The following SAMD12 variants were observed in gnomAD, a reference collection of about 807,000 sequenced individuals.
SAMD12 encodes the protein sterile alpha motif domain containing 12.
In SAMD12, 9 loss-of-function variants were observed where a neutral mutation model predicts 15.0. That is an observed-to-expected ratio of 0.60 (90% CI 0.36 to 1.05). The LOEUF (loss-of-function observed/expected upper bound fraction) is 1.05. Among genes scored for constraint, SAMD12 ranks in the 50% least tolerant of loss-of-function variants. SAMD12 has a pLI of 0.01. For missense variants in SAMD12, 230 were observed against 234.2 expected, an observed-to-expected ratio of 0.98 and a Z score of 0.12; for synonymous variants, 86 against 90.1, an observed-to-expected ratio of 0.96 and a Z score of 0.25.
At chr8:118,321,948 C>T (rs1466501524) in intron 4 of SAMD12, among the ~76,000 whole-genome samples, 1 of 152,142 alleles carries the variant, frequency 6.6e-6, no homozygotes, top group African/African-American at 2.4e-5. Context: ...CACAGAATGC[C>T]TTCAGTTCCT....
chr8:118,196,125 C>G (rs540586080), exon 5 of SAMD12: 1 of 152,152 alleles, frequency 6.6e-6, no homozygotes, highest in African/African-American at 2.4e-5. Flanking sequence ...CCTCCCTTTC[C>G]GTCAGGTTTC....
chr8:118,312,644 C>T (rs889801845), intron 4 of SAMD12, among the ~76,000 whole-genome samples: 6 of 152,200 alleles, frequency 3.9e-5, no homozygotes, highest in Admixed American at 6.5e-5. Context: ...TATTAAACCA[C>T]TTGTAGAGTG....
exon 5 of SAMD12, chr8:118,191,758 A>ACTC (rs1563686316): frequency 1.5e-4 from 1 of 6,452 alleles, no homozygotes; most frequent in African/African-American, 5.5e-4. Flanking sequence ...ACTGGAGATT[A>ACTC]TATATATATA....
intron 3 of SAMD12, among the ~76,000 whole-genome samples, chr8:118,398,189 C>G (rs1292911317): frequency 6.6e-6 from 1 of 152,092 alleles, no homozygotes; most frequent in African/African-American, 2.4e-5. Context: ...TTGAGGTCAG[C>G]ACTTCAAGAT....
At chr8:118,228,001 C>T (rs1157139756) in intron 4 of SAMD12, among the ~76,000 whole-genome samples, 1 of 152,176 alleles carries the variant, frequency 6.6e-6, no homozygotes, top group African/African-American at 2.4e-5. Flanking sequence ...GGCAACTGAT[C>T]TTTGACAAAG....
chr8:118,405,407 C>G (rs1430174402), intron 3 of SAMD12, among the ~76,000 whole-genome samples: 2 of 137,658 alleles, frequency 1.5e-5, no homozygotes, highest in Non-Finnish European at 3.3e-5. Flanking sequence ...ACCGATAAAT[C>G]TGAAGACGAA....
chr8:118,382,305 G>A (rs1029939238), intron 3 of SAMD12, among the ~76,000 whole-genome samples: 7 of 152,170 alleles, frequency 4.6e-5, no homozygotes, highest in African/African-American at 1.7e-4. Context: ...GCACTGATAA[G>A]ACACATGGCT....
intron 4 of SAMD12, among the ~76,000 whole-genome samples, chr8:118,218,335 T>TA (rs1277029455): frequency 1.3e-5 from 2 of 152,188 alleles, no homozygotes; most frequent in Non-Finnish European, 2.9e-5. Flanking sequence ...GTGAGATGAG[T>TA]AAATCAAGCT....
At chr8:118,454,472 C>T (rs1823181369) in intron 2 of SAMD12, among the ~76,000 whole-genome samples, 1 of 152,158 alleles carries the variant, frequency 6.6e-6, no homozygotes, top group South Asian at 2.1e-4. Context: ...TCCCTTTCAA[C>T]TTAAAGATCA....
rs535157852 is a variant in SAMD12, at chr8:118,344,247, A to G, written c.433+35313T>C. ...ACTAATGTGGGAAGGTTGACAGTAC[A>G]ATGCTGGGACCTTGTCCACTAGGAA... On this transcript the variant is annotated intron_variant, in intron 4 of 4. Transcript: ENST00000409003. Among the ~76,000 whole-genome samples, 21 of 152,290 alleles carry G rather than the reference A, an allele frequency of 1.4e-4. No homozygotes were observed. The South Asian group carries it at 2.9e-3, about 21-fold the overall frequency.
intron 4 of SAMD12, among the ~76,000 whole-genome samples, chr8:118,252,552 T>C (rs1812843815): frequency 1.3e-5 from 2 of 152,164 alleles, no homozygotes. Flanking sequence ...GCTGCCTTTG[T>C]TTGCTTGTTT....
chr8:118,578,314 C>T (rs952340594), intron 2 of SAMD12, among the ~76,000 whole-genome samples: 6 of 152,168 alleles, frequency 3.9e-5, no homozygotes, highest in Non-Finnish European at 7.3e-5. Flanking sequence ...AATGTGTTCT[C>T]CTGTAGCCAT....
intron 4 of SAMD12, among the ~76,000 whole-genome samples, chr8:118,346,497 G>C (rs1011660613): frequency 1.3e-5 from 2 of 152,280 alleles, no homozygotes; most frequent in Middle Eastern, 3.4e-3. Context: ...TAATTATGTG[G>C]GCTAATGTCT....
chr8:118,191,222 G>GTTAAAT (rs1819361118), exon 5 of SAMD12: 2 of 152,154 alleles, frequency 1.3e-5, no homozygotes, highest in African/African-American at 2.4e-5. Flanking sequence ...TCTCTGCAAT[G>GTTAAAT]TGAGCTTCTT....
intron 1 of SAMD12, among the ~76,000 whole-genome samples, chr8:118,592,242 A>G (rs887166255): frequency 6.6e-6 from 1 of 152,156 alleles, no homozygotes; most frequent in African/African-American, 2.4e-5. Flanking sequence ...AATCACTTGA[A>G]CCTGGGAGGC....
intron 4 of SAMD12, among the ~76,000 whole-genome samples, chr8:118,360,190 T>C (rs566087400): frequency 9.2e-5 from 14 of 152,202 alleles, no homozygotes; most frequent in Non-Finnish European, 2.1e-4. Context: ...TTGAATAGGA[T>C]GGGCTCCCTG....
chr8:118,253,348 A>G (rs1415019416), intron 4 of SAMD12, among the ~76,000 whole-genome samples: 1 of 152,206 alleles, frequency 6.6e-6, no homozygotes, highest in African/African-American at 2.4e-5. Context: ...AAATGGGAAT[A>G]GGGGCAATAC....
At chr8:118,382,731 G>A (rs1819737559) in intron 3 of SAMD12, among the ~76,000 whole-genome samples, 1 of 152,182 alleles carries the variant, frequency 6.6e-6, no homozygotes, top group South Asian at 2.1e-4. Flanking sequence ...TTTAAAACAT[G>A]AGAGCTGGTT....
At chr8:118,136,410 G>T in the SAMD12 span, among the ~76,000 whole-genome samples, 3 of 152,174 alleles carry the variant, frequency 2.0e-5, no homozygotes, top group Non-Finnish European at 4.4e-5. Context: ...AGATCAAGTG[G>T]GAAAGTCATA....
Sources: gnomAD v4.1 joint callset for allele counts (sites outside exome capture counted in the v4.1 genomes callset) on GRCh38, gnomAD v4.1.1 for gene constraint, MANE v1.5 for transcripts, NCBI Gene and HGNC (gene_info 2026-07-23, HGNC 2026-07-21) for gene names.